The following MND1 variants were observed in gnomAD, a reference collection of about 807,000 sequenced individuals.
MND1 encodes meiotic nuclear divisions 1.
In MND1, 28 loss-of-function variants were observed where a neutral mutation model predicts 35.1. The ratio of observed to expected loss-of-function variants is 0.80; its 90% confidence interval spans 0.59 to 1.09. MND1 has a LOEUF of 1.09. MND1 is among the 50% of genes least tolerant of loss of function. The probability of loss-of-function intolerance (pLI) is 0.00; values close to 1 mark genes in which losing one functional copy is unlikely to be tolerated. For missense variants in MND1, 213 were observed against 239.6 expected, an observed-to-expected ratio of 0.89 and a Z score of 0.73; for synonymous variants, 69 against 70.5, an observed-to-expected ratio of 0.98 and a Z score of 0.11.
intron 4 of MND1, among the ~76,000 whole-genome samples, chr4:153,366,376 A>T (rs1025680449): frequency 1.8e-4 from 28 of 152,214 alleles, no homozygotes; most frequent in Admixed American, 6.5e-5. Context: ...GCAGTTGTGG[A>T]TGAATTTTTT....
intron 4 of MND1, chr4:153,361,700 T>G (rs1001271230): frequency 2.7e-6 from 1 of 366,682 alleles, no homozygotes; most frequent in Non-Finnish European, 5.3e-6. Context: ...TAGCCGGGCG[T>G]GGTGGTGGGT....
intron 4 of MND1, among the ~76,000 whole-genome samples, chr4:153,393,284 A>G (rs10517570): frequency 0.086 from 13,153 of 152,140 alleles, 782 homozygotes; most frequent in South Asian, 0.18. Context: ...GGTATTTTGA[A>G]AAGACTTTAG....
At chr4:153,349,372 C>G (rs1773156661) in intron 1 of MND1, among the ~76,000 whole-genome samples, 1 of 151,976 alleles carries the variant, frequency 6.6e-6, no homozygotes, top group Non-Finnish European at 1.5e-5. Context: ...AAATGCAACT[C>G]TAATCTTGTC....
At chr4:153,381,667 A>ATAT (rs1554011382) in intron 4 of MND1, 6 of 25,460 alleles carry the variant, frequency 2.4e-4, no homozygotes, top group African/African-American at 2.9e-4. Flanking sequence ...TATATAATAT[A>ATAT]ATATATATAT....
intron 4 of MND1, among the ~76,000 whole-genome samples, chr4:153,386,026 T>C (rs997216609): frequency 6.6e-6 from 1 of 152,118 alleles, no homozygotes; most frequent in Non-Finnish European, 1.5e-5. Flanking sequence ...GTTCACTGAT[T>C]GTAGCAAATG....
At chr4:153,348,115 C>G (rs1389596744) in intron 1 of MND1, among the ~76,000 whole-genome samples, 1 of 151,986 alleles carries the variant, frequency 6.6e-6, no homozygotes, top group Non-Finnish European at 1.5e-5. Context: ...TGATGAAGGC[C>G]TGAATGAGGC....
intron 6 of MND1, among the ~76,000 whole-genome samples, chr4:153,406,674 G>A (rs967968431): frequency 2.6e-5 from 4 of 151,744 alleles, no homozygotes; most frequent in East Asian, 1.9e-4. Context: ...GGATATGAAC[G>A]GACACTTCCC....
At chr4:153,366,948 C>A (rs929201904) in intron 4 of MND1, among the ~76,000 whole-genome samples, 2 of 152,152 alleles carry the variant, frequency 1.3e-5, no homozygotes, top group African/African-American at 4.8e-5. Flanking sequence ...GGTATTTTGA[C>A]TCCAGGGTCC....
chr4:153,392,984 G>C (rs889950513), intron 4 of MND1, among the ~76,000 whole-genome samples: 1 of 152,060 alleles, frequency 6.6e-6, no homozygotes, highest in African/African-American at 2.4e-5. Flanking sequence ...GCTGATTGTG[G>C]TGGTGCACAC....
chr4:153,384,909 G>A (rs904976292), intron 4 of MND1, among the ~76,000 whole-genome samples: 3 of 152,162 alleles, frequency 2.0e-5, no homozygotes, highest in Admixed American at 6.5e-5. Flanking sequence ...CTGGTTAAGT[G>A]GAACATGAAT....
At chr4:153,374,732 A>G (rs555618268) in intron 4 of MND1, among the ~76,000 whole-genome samples, 10 of 152,100 alleles carry the variant, frequency 6.6e-5, no homozygotes, top group Non-Finnish European at 1.3e-4. Context: ...TAAGCTGAAA[A>G]ATCAGGAAAC....
At chr4:153,393,374 T>C (rs1259195471) in intron 4 of MND1, among the ~76,000 whole-genome samples, 36 of 148,682 alleles carry the variant, frequency 2.4e-4, no homozygotes, top group Admixed American at 3.3e-4. Context: ...CTTTCTTTTT[T>C]TTTTTTTTTT....
intron 6 of MND1, among the ~76,000 whole-genome samples, chr4:153,407,149 G>T (rs1347898886): frequency 6.6e-6 from 1 of 152,156 alleles, no homozygotes; most frequent in Non-Finnish European, 1.5e-5. Context: ...ACACCCATTA[G>T]GATGGCTATA....
At chr4:153,389,356 T>C (rs923275949) in intron 4 of MND1, among the ~76,000 whole-genome samples, 3 of 152,092 alleles carry the variant, frequency 2.0e-5, no homozygotes, top group African/African-American at 7.2e-5. Flanking sequence ...CCTTTTTATT[T>C]ATTTATTTAT....
chr4:153,380,258 G>C (rs1331462143), intron 4 of MND1, among the ~76,000 whole-genome samples: 1 of 152,106 alleles, frequency 6.6e-6, no homozygotes, highest in Non-Finnish European at 1.5e-5. Context: ...TTCAGGATTG[G>C]TTAATCCCAC....
At chr4:153,376,883 G>A (rs1728525612) in intron 4 of MND1, among the ~76,000 whole-genome samples, 1 of 152,100 alleles carries the variant, frequency 6.6e-6, no homozygotes, top group African/African-American at 2.4e-5. Flanking sequence ...TTTTTGGCAT[G>A]TGGTAGATTC....
At chr4:153,409,069 T>C (rs764989906) in intron 7 of MND1, 54 bp downstream of exon 7, 2 of 1,099,162 alleles carry the variant, frequency 1.8e-6, no homozygotes, top group African/African-American at 1.6e-5. Flanking sequence ...TCACACTTAC[T>C]GCGACGTGAA....
intron 7 of MND1, among the ~76,000 whole-genome samples, chr4:153,414,252 A>C (rs1367719809): frequency 6.6e-6 from 1 of 151,552 alleles, no homozygotes; most frequent in Non-Finnish European, 1.5e-5. Context: ...TAAATATGAG[A>C]TCTATTAACT....
At position 153,414,759 on chromosome 4, in the gene MND1, T is replaced by C. The variant is rs1729786805; in HGVS notation, c.520T>C (p.Phe174Leu). 2.1e-6 allele frequency: 3 copies of C among 1,436,608 alleles called. No homozygotes were observed. Among genetic ancestry groups the C allele is most frequent in the African/African-American group, 1.4e-5 (1 of 69,788 alleles). The allele number at this position is 1,436,608 out of a possible 1,614,324, so 89.0% of individuals were successfully genotyped here. A position where few individuals can be genotyped will look rare whatever the true frequency, so the allele number is the denominator to read the frequency against. The change falls in exon 8 of 8, where the codon TTC becomes CTC. Residue 174 changes from phenylalanine to leucine, a missense_variant. By Grantham distance (22) the Phe-to-Leu change is conservative (BLOSUM62 0). Coordinates refer to ENST00000240488, the MANE Select transcript of MND1 (RefSeq NM_032117.4). The stretch of plus-strand genomic sequence containing the variant: ...CTCAATTTTCTTTATAGATAACATA[T>C]TCGCAATAAAATCTTGGGCCAAAAG... ...EAANRWTDNI[F>L]AIKSWAKRKF...
Sources: gnomAD v4.1 joint callset for allele counts (sites outside exome capture counted in the v4.1 genomes callset) on GRCh38, gnomAD v4.1.1 for gene constraint, MANE v1.5 for transcripts, NCBI Gene and HGNC (gene_info 2026-07-23, HGNC 2026-07-21) for gene names.